The following ARL15 variants were observed in gnomAD, a reference collection of about 807,000 sequenced individuals.
ARL15 encodes the protein ADP-ribosylation factor-like protein 15.
In ARL15, 19 loss-of-function variants were observed where a neutral mutation model predicts 25.2. The ratio of observed to expected loss-of-function variants is 0.75; its 90% CI spans 0.53 to 1.10. The LOEUF is 1.10. Among genes scored for constraint, ARL15 ranks in the 50% least tolerant of loss-of-function variants. ARL15 has a pLI of 0.00. For synonymous variants in ARL15, 94 were observed against 86.8 expected, an observed-to-expected ratio of 1.08 and a Z score of -0.46; for missense variants, 220 against 246.0, an observed-to-expected ratio of 0.89 and a Z score of 0.71.
chr5:54,249,693 C>CT (rs1394952423), intron 1 of ARL15, among the ~76,000 whole-genome samples: 2 of 121,372 alleles, frequency 1.6e-5, no homozygotes, highest in East Asian at 5.8e-4. Flanking sequence ...AAAAAAAAAA[C>CT]TTTAACAGCT....
intron 4 of ARL15, among the ~76,000 whole-genome samples, chr5:53,920,650 AT>A (rs2112015495): frequency 1.3e-5 from 1 of 79,602 alleles, no homozygotes; most frequent in African/African-American, 5.4e-5. Context: ...CTATTAAAAA[AT>A]AATAAATAAA....
At chr5:54,090,312 A>T (rs1203509368) in intron 4 of ARL15, among the ~76,000 whole-genome samples, 3 of 152,188 alleles carry the variant, frequency 2.0e-5, no homozygotes, top group Admixed American at 1.3e-4. Flanking sequence ...AAAATAGAAG[A>T]CCACAGAAGA....
intron 4 of ARL15, among the ~76,000 whole-genome samples, chr5:53,991,989 G>A (rs117798608): frequency 5.3e-5 from 8 of 152,198 alleles, no homozygotes; most frequent in East Asian, 1.9e-4. Context: ...TACACCTTTC[G>A]GGTATGCACA....
chr5:54,236,188 T>C (rs1275279854), intron 1 of ARL15, among the ~76,000 whole-genome samples: 5 of 152,198 alleles, frequency 3.3e-5, no homozygotes, highest in African/African-American at 1.2e-4. Flanking sequence ...TTCCAACTGA[T>C]AGTGTCTGAT....
At chr5:54,155,481 C>A (rs1325682147) in intron 2 of ARL15, among the ~76,000 whole-genome samples, 1 of 152,108 alleles carries the variant, frequency 6.6e-6, no homozygotes, top group Non-Finnish European at 1.5e-5. Context: ...TGTCATGTAT[C>A]TATTTTTCTT....
chr5:54,141,370 T>G (rs1220166419), intron 3 of ARL15, among the ~76,000 whole-genome samples: 1 of 152,154 alleles, frequency 6.6e-6, no homozygotes, highest in Non-Finnish European at 1.5e-5. Context: ...ACTTTCATCT[T>G]TTTTCAAGCT....
intron 1 of ARL15, among the ~76,000 whole-genome samples, chr5:54,242,608 G>A (rs58629101): frequency 0.084 from 12,769 of 152,206 alleles, 640 homozygotes; most frequent in Middle Eastern, 0.19. Flanking sequence ...GTTGCTGAGA[G>A]GCCAGAATGC....
intron 4 of ARL15, among the ~76,000 whole-genome samples, chr5:54,009,790 C>T (rs1470335104): frequency 1.3e-5 from 2 of 152,164 alleles, no homozygotes; most frequent in Admixed American, 1.3e-4. Flanking sequence ...CCTCAGTAAT[C>T]TGTGGAAATG....
At chr5:53,950,594 T>C (rs1746912152) in intron 4 of ARL15, among the ~76,000 whole-genome samples, 1 of 152,176 alleles carries the variant, frequency 6.6e-6, no homozygotes, top group African/African-American at 2.4e-5. Flanking sequence ...TCACTACCCA[T>C]TCCAGGCCAC....
intron 4 of ARL15, among the ~76,000 whole-genome samples, chr5:54,087,558 G>T (rs1752008619): frequency 6.6e-6 from 1 of 152,154 alleles, no homozygotes; most frequent in Non-Finnish European, 1.5e-5. Flanking sequence ...AGGAATAGCA[G>T]AGGTATTAAG....
chr5:54,158,263 T>C (rs1237925866), intron 2 of ARL15, among the ~76,000 whole-genome samples: 1 of 152,102 alleles, frequency 6.6e-6, no homozygotes, highest in East Asian at 1.9e-4. Context: ...ACTGTTTGAC[T>C]TTGAGCAAGC....
intron 1 of ARL15, among the ~76,000 whole-genome samples, chr5:54,202,842 C>G (rs1338055454): frequency 1.3e-5 from 2 of 151,412 alleles, no homozygotes; most frequent in African/African-American, 4.9e-5. Context: ...AAATTATTAT[C>G]TGAAATATCA....
At chr5:53,954,853 G>A (rs1418448110) in intron 4 of ARL15, among the ~76,000 whole-genome samples, 3 of 151,944 alleles carry the variant, frequency 2.0e-5, no homozygotes, top group Non-Finnish European at 4.4e-5. Flanking sequence ...TATGGAAAGA[G>A]CATCGATCTA....
intron 1 of ARL15, among the ~76,000 whole-genome samples, chr5:54,248,156 T>A (rs903320263): frequency 6.6e-6 from 1 of 152,198 alleles, no homozygotes; most frequent in African/African-American, 2.4e-5. Context: ...AATGTATATG[T>A]TGAAGCTCCA....
intron 3 of ARL15, among the ~76,000 whole-genome samples, chr5:54,149,943 C>T (rs888668084): frequency 6.6e-6 from 1 of 152,076 alleles, no homozygotes; most frequent in African/African-American, 2.4e-5. Context: ...AAATGTCCTG[C>T]GTAGGAATCA....
At chr5:54,155,063 G>A (rs1754187022) in intron 2 of ARL15, among the ~76,000 whole-genome samples, 1 of 152,166 alleles carries the variant, frequency 6.6e-6, no homozygotes, top group East Asian at 1.9e-4. Flanking sequence ...AGAGGTTGCA[G>A]TAAGCTGAGA....
At chr5:53,888,818 G>C (rs1206850861) in intron 4 of ARL15, among the ~76,000 whole-genome samples, 2 of 152,148 alleles carry the variant, frequency 1.3e-5, no homozygotes, top group African/African-American at 4.8e-5. Context: ...TCCTGGCTAA[G>C]TCCACCCTTA....
At chr5:53,956,141 C>T (rs1001903355) in intron 4 of ARL15, among the ~76,000 whole-genome samples, 1 of 152,110 alleles carries the variant, frequency 6.6e-6, no homozygotes, top group African/African-American at 2.4e-5. Flanking sequence ...CACTTCCTCT[C>T]TCTTGCTTGT....
chr5:54,217,195 C>A (rs576692407), intron 1 of ARL15, among the ~76,000 whole-genome samples: 2 of 95,006 alleles, frequency 2.1e-5, no homozygotes, highest in African/African-American at 4.1e-5. Flanking sequence ...TAAGACAATG[C>A]TTTTCTTTTT....
Sources: allele counts gnomAD v4.1 joint callset (sites outside exome capture counted in the v4.1 genomes callset), GRCh38; gene constraint gnomAD v4.1.1; transcripts MANE v1.5; gene names NCBI Gene and HGNC (gene_info 2026-07-23, HGNC 2026-07-21).